The following FREM1 variants were observed in gnomAD, a reference collection of about 807,000 sequenced individuals.
FREM1 encodes FRAS1-related extracellular matrix protein 1.
FREM1 carries 220 observed loss-of-function variants against 210.1 expected under a neutral mutation model. That is an observed-to-expected ratio of 1.05 (90% CI 0.94 to 1.17). The LOEUF is 1.17. FREM1 is among the 50% of genes most tolerant of loss of function. The probability of loss-of-function intolerance (pLI) is 0.00; values close to 1 mark genes in which losing one functional copy is unlikely to be tolerated. For synonymous variants in FREM1, 1,189 were observed against 980.2 expected (o/e 1.21, Z -3.98); for missense variants, 3,454 against 2,675.5 (o/e 1.29, Z -6.42).
chr9:14,795,014 A>C (rs1476002556), intron 21 of FREM1, among the ~76,000 whole-genome samples: 1 of 142,932 alleles, frequency 7.0e-6, no homozygotes, highest in Non-Finnish European at 1.6e-5. Context: ...AAAAAAAAAA[A>C]AATAGAAAAG....
At position 14,851,359 on chromosome 9, in the gene FREM1, G is replaced by A. The variant is rs1379706453; in HGVS notation, c.1077C>T (p.Thr359=). 5.0e-6 allele frequency: 8 copies of A among 1,613,440 alleles called. No individual in the cohort carries two copies. Among genetic ancestry groups the A allele is most frequent in the Non-Finnish European group, 6.8e-6 (8 of 1,179,584 alleles). Residue 359 remains threonine, a synonymous_variant, in exon 6 of 37, where the codon ACC becomes ACT. Transcript: ENST00000380880. ...TCTGCATGTCACTGAGATCTTTCCA[G>A]GTGAATGAGGAGATTGGTCTGGTGT... ...LDHTRPISSF[T]WKDLSDMQIA...
At chr9:14,840,440 G>A (rs1825474764) in intron 10 of FREM1, among the ~76,000 whole-genome samples, 2 of 152,168 alleles carry the variant, frequency 1.3e-5, no homozygotes, top group East Asian at 1.9e-4. Context: ...CACAATCATG[G>A]CAGAAGGCAA....
chr9:14,772,559 G>C (rs1431087151), intron 25 of FREM1, among the ~76,000 whole-genome samples: 2 of 152,118 alleles, frequency 1.3e-5, no homozygotes, highest in Admixed American at 6.6e-5. Flanking sequence ...TGGTTGTCAA[G>C]AATTTTTTTT....
chr9:14,837,810 T>G (rs1824912795), intron 10 of FREM1, among the ~76,000 whole-genome samples: 1 of 152,214 alleles, frequency 6.6e-6, no homozygotes, highest in Admixed American at 6.5e-5. Context: ...TAATTTTTAA[T>G]TATTGAAATG....
At chr9:14,785,214 A>T (rs149669456) in intron 23 of FREM1, among the ~76,000 whole-genome samples, 49 of 152,360 alleles carry the variant, frequency 3.2e-4, no homozygotes, top group African/African-American at 1.0e-3. Context: ...ATGTATACAC[A>T]AACTGTGTTC....
At chr9:14,909,736 C>G (rs1564221098) in intron 1 of FREM1, among the ~76,000 whole-genome samples, 178 bp downstream of exon 1, 1 of 152,246 alleles carries the variant, frequency 6.6e-6, no homozygotes, top group Non-Finnish European at 1.5e-5. Context: ...GGTTTGTTAA[C>G]ACTGCAAGTT....
chr9:14,786,137 T>A (rs147080377), intron 23 of FREM1, among the ~76,000 whole-genome samples: 1 of 152,208 alleles, frequency 6.6e-6, no homozygotes, highest in African/African-American at 2.4e-5. Flanking sequence ...TGTGAGGTAT[T>A]GTCATATCAT....
At position 14,842,501 on chromosome 9, in the gene FREM1, T is replaced by G; in HGVS notation, c.1553A>C (p.Asp518Ala). The change falls in exon 9 of 37, where the codon GAT (aspartate) becomes GCT (alanine). Residue 518 changes from aspartate (D) to alanine (A), a missense_variant. Transcript: ENST00000380880. ...HKFPINVLPKDDSPPFLITNV... is the reference protein window; with the variant it reads ...HKFPINVLPKADSPPFLITNV... ...GGTTATGAGGAACGGGGGACTATCA[T>G]CTTTGGGCAAGACGTTGATGGGGAA... 1 of 1,614,036 alleles carries G rather than the reference T, an allele frequency of 6.2e-7. No homozygotes were observed.
At position 14,825,144 on chromosome 9, in the gene FREM1, G is replaced by A. The variant is rs13289400; in HGVS notation, c.1882-152C>T. ...ATGATTCAGGAGCTATTAAGAATAT[G>A]AGCCAAAAAATGGAAATCCTCTACT... On this transcript the variant is annotated intron_variant, in intron 10 of 36. Transcript: ENST00000380880. Among the ~76,000 whole-genome samples the A allele has an allele frequency of 0.21, 31,832 of 151,838 alleles. 3,621 individuals carry two copies. The highest frequency in any genetic ancestry group is 0.28 in the Middle Eastern group (83 of 294).
At chr9:14,769,137 G>A (rs1847046869) in intron 27 of FREM1, among the ~76,000 whole-genome samples, 1 of 152,108 alleles carries the variant, frequency 6.6e-6, no homozygotes, top group South Asian at 2.1e-4. Context: ...TTGAAGATTT[G>A]TTACTCTTGC....
intron 16 of FREM1, among the ~76,000 whole-genome samples, chr9:14,811,134 A>T (rs980597857): frequency 1.3e-5 from 2 of 152,214 alleles, no homozygotes; most frequent in Admixed American, 6.5e-5. Flanking sequence ...GAAAACGTTA[A>T]CATTCAAATA....
Position 14,851,319 on chromosome 9 carries a change from G to C in FREM1, c.1117C>G (p.Pro373Ala), listed in dbSNP as rs550211318. ...LSDMQIAYQP[P>A]NSSHSERRHD... The stretch of plus-strand genomic sequence containing the variant: ...CTCCTCTCAGAATGGCTGCTGTTTG[G>C]TGGCTGATAGGCGATCTGCATGTCA... The change falls in exon 6 of 37, where the codon CCA (proline) becomes GCA (alanine). Residue 373 changes from proline (P) to alanine (A), a missense_variant. Transcript: ENST00000380880. The C allele has an allele frequency of 6.2e-7, 1 of 1,603,328 alleles. No homozygotes were observed. Among genetic ancestry groups the C allele is most frequent in the East Asian group, 2.2e-5 (1 of 44,726 alleles).
rs1440605159 is a variant in FREM1, at chr9:14,861,287, A to G, written c.330-1803T>C. Among the ~76,000 whole-genome samples, 469 of 79,888 alleles carry G rather than the reference A, an allele frequency of 5.9e-3. 63 individuals are homozygous for G. The East Asian group carries it at 0.1, about 17-fold the overall frequency. 52.4% of individuals were successfully genotyped at this position (79,888 alleles called of 152,430 possible). On this transcript the variant is annotated intron_variant, in intron 3 of 36. Coordinates refer to ENST00000380880, the MANE Select transcript of FREM1 (RefSeq NM_001379081.2). ...CATATACACATATATACATATATAC[A>G]TATATACATATATACACATATATAC...
chr9:14,875,997 G>A (rs576213023), intron 1 of FREM1, among the ~76,000 whole-genome samples: 23 of 152,310 alleles, frequency 1.5e-4, no homozygotes, highest in African/African-American at 2.6e-4. Flanking sequence ...GCGGATTTTC[G>A]TGAACCGCAA....
chr9:14,794,608 A>G (rs1852003525), intron 21 of FREM1, among the ~76,000 whole-genome samples: 1 of 152,238 alleles, frequency 6.6e-6, no homozygotes, highest in Non-Finnish European at 1.5e-5. Context: ...ATAGCAAAGA[A>G]ATGGTGTTAC....
At chr9:14,777,589 A>C (rs1389909249) in intron 24 of FREM1, among the ~76,000 whole-genome samples, 2 of 152,202 alleles carry the variant, frequency 1.3e-5, no homozygotes, top group African/African-American at 4.8e-5. Flanking sequence ...TATAAACTAT[A>C]CATAACATTT....
At chr9:14,807,868 T>C in intron 17 of FREM1, 72 bp downstream of exon 17, 4 of 997,986 alleles carry the variant, frequency 4.0e-6, no homozygotes, top group Non-Finnish European at 5.9e-6. Context: ...AAATGAAATG[T>C]ATTATTTCAC....
At chr9:14,817,075 C>A (rs1820441201) in intron 14 of FREM1, among the ~76,000 whole-genome samples, 1 of 152,212 alleles carries the variant, frequency 6.6e-6, no homozygotes, top group African/African-American at 2.4e-5. Context: ...TTGCTCCACC[C>A]TGGAAAAATG....
chr9:14,865,225 C>T (rs1243844832), intron 2 of FREM1, among the ~76,000 whole-genome samples: 1 of 152,120 alleles, frequency 6.6e-6, no homozygotes, highest in Non-Finnish European at 1.5e-5. Context: ...GCTATATTTC[C>T]TATTCAAAAA....
Sources: allele counts gnomAD v4.1 joint callset (sites outside exome capture counted in the v4.1 genomes callset), GRCh38; gene constraint gnomAD v4.1.1; transcripts MANE v1.5; gene names NCBI Gene and HGNC (gene_info 2026-07-23, HGNC 2026-07-21).